The following NEMP2 variants were observed in gnomAD, a reference collection of about 807,000 sequenced individuals.
NEMP2 encodes UPF0571 transmembrane protein.
Under a neutral mutation model 54.2 loss-of-function variants are expected in NEMP2, and 53 were observed. That is an observed-to-expected ratio of 0.98 (90% CI 0.78 to 1.23). NEMP2 has a LOEUF of 1.23. Among genes scored for constraint, NEMP2 ranks in the 50% most tolerant of loss-of-function variants. The pLI is 0.00. For synonymous variants in NEMP2, 197 were observed against 190.3 expected (o/e 1.04, Z -0.29); for missense variants, 455 against 511.3 (o/e 0.89, Z 1.06).
At chr2:190,467,588 C>T in the NEMP2 span, among the ~76,000 whole-genome samples, 20 of 152,116 alleles carry the variant, frequency 1.3e-4, no homozygotes, top group African/African-American at 4.1e-4. The surrounding 1 kb of genome is among the most constrained non-coding windows in gnomAD (Gnocchi z 5.5). Flanking sequence ...TCTCTAGCCT[C>T]GGCAACAGAG....
Position 190,518,749 on chromosome 2 carries a change from T to C in NEMP2, c.505A>G (p.Arg169Gly). 1.3e-6 allele frequency: 2 copies of C among 1,543,710 alleles called. No homozygotes were observed. The highest frequency in any genetic ancestry group is 1.2e-5 in the South Asian group (1 of 81,332). Residue 169 changes from arginine to glycine, a missense_variant, in exon 4 of 9, where the codon AGG (arginine) becomes GGG (glycine). Coordinates refer to ENST00000409150, the MANE Select transcript of NEMP2 (RefSeq NM_001142645.2). ...AGGAATACTTACTGACTCAGGGTCCTTGCATAAAAGAAAAGAAAAACTCCT... is the reference window on the plus strand; with the variant it reads ...AGGAATACTTACTGACTCAGGGTCCCTGCATAAAAGAAAAGAAAAACTCCT... The part of the protein sequence containing the change: ...VAGVFLFFYA[R>G]TLSQSPTFYY...
rs765508642 is a variant in NEMP2, at chr2:190,514,088, C to T, written c.953+365G>A. ...TTCATTTCTGTTTCCTAATTCGTAT[C>T]TCATAAGCACAGCTGATACCACTAA... On this transcript the variant is annotated intron_variant, in intron 7 of 8. Coordinates refer to ENST00000409150, the MANE Select transcript of NEMP2 (RefSeq NM_001142645.2). The surrounding 1 kb of genome is among the most constrained non-coding windows in gnomAD (Gnocchi z 5.7). Among the ~76,000 whole-genome samples, 5 of 152,202 alleles carry T rather than the reference C, an allele frequency of 3.3e-5. No individual in the cohort carries two copies. Among genetic ancestry groups the T allele is most frequent in the Non-Finnish European group, 2.9e-5 (2 of 68,030 alleles).
chr2:190,431,717 G>GGGGAGAGGGA, the NEMP2 span, among the ~76,000 whole-genome samples: 2 of 152,186 alleles, frequency 1.3e-5, no homozygotes. This position sits in a 1 kb window ranked among gnomAD's most constrained non-coding sequence, Gnocchi z 4.4. Flanking sequence ...GGGAGACTGT[G>GGGGAGAGGGA]GGGAGAGGGA....
chr2:190,452,758 C>T, the NEMP2 span, among the ~76,000 whole-genome samples: 1 of 152,094 alleles, frequency 6.6e-6, no homozygotes, highest in African/African-American at 2.4e-5. Flanking sequence ...GTAAAGTGCC[C>T]CCACGTCCCC....
chr2:190,542,175 T>C, the NEMP2 span, among the ~76,000 whole-genome samples: 1 of 152,228 alleles, frequency 6.6e-6, no homozygotes, highest in Non-Finnish European at 1.5e-5. This position sits in a 1 kb window ranked among gnomAD's most constrained non-coding sequence, Gnocchi z 4.6. Context: ...TACCTCTTGC[T>C]CTTGCCCAAC....
chr2:190,435,301 A>C, the NEMP2 span: 1 of 152,242 alleles, frequency 6.6e-6, no homozygotes, highest in Non-Finnish European at 1.5e-5. Flanking sequence ...AAGATCTTTT[A>C]ATCTTATCTG....
At chr2:190,634,604 T>C in the NEMP2 span, among the ~76,000 whole-genome samples, 2 of 152,228 alleles carry the variant, frequency 1.3e-5, no homozygotes, top group African/African-American at 4.8e-5. This position sits in a 1 kb window ranked among gnomAD's most constrained non-coding sequence, Gnocchi z 6.8. Flanking sequence ...CCCTGAATCA[T>C]CCAACTTTCA....
chr2:190,484,789 T>G, the NEMP2 span, among the ~76,000 whole-genome samples: 3 of 152,188 alleles, frequency 2.0e-5, no homozygotes, highest in African/African-American at 7.2e-5. Flanking sequence ...TTTAATTGCT[T>G]CTTCACTTAT....
chr2:190,644,399 C>T, the NEMP2 span, among the ~76,000 whole-genome samples: 19 of 152,190 alleles, frequency 1.2e-4, no homozygotes, highest in Admixed American at 4.6e-4. This position sits in a 1 kb window ranked among gnomAD's most constrained non-coding sequence, Gnocchi z 4.4. Context: ...GAGCAGTGTT[C>T]ATTTACCATT....
rs1691026085 is a variant in NEMP2, at chr2:190,528,493, G to C, written c.98-3115C>G. 6.6e-6 allele frequency among the ~76,000 whole-genome samples: 1 copy of C among 152,124 alleles called. No individual in the cohort carries two copies. ...TTGGAAAGGGAGTGCATTCCAGCAG[G>C]GCAGGTGAAGAGCATGAAGTCTCAG... On this transcript the variant is annotated intron_variant, in intron 1 of 8. Coordinates refer to ENST00000409150, the MANE Select transcript of NEMP2 (RefSeq NM_001142645.2). This position sits in a 1 kb window ranked among gnomAD's most constrained non-coding sequence, Gnocchi z 4.3.
At chr2:190,498,425 A>G in the NEMP2 span, among the ~76,000 whole-genome samples, 1 of 152,188 alleles carries the variant, frequency 6.6e-6, no homozygotes, top group Non-Finnish European at 1.5e-5. This position sits in a 1 kb window ranked among gnomAD's most constrained non-coding sequence, Gnocchi z 5.9. Flanking sequence ...CAGAGGACAC[A>G]TAAAAATAAA....
At chr2:190,428,446 AT>A in the NEMP2 span, among the ~76,000 whole-genome samples, 1 of 152,256 alleles carries the variant, frequency 6.6e-6, no homozygotes, top group East Asian at 1.9e-4. Context: ...GTTGCTCCAC[AT>A]CCTCATCAAC....
At chr2:190,592,521 C>T in the NEMP2 span, among the ~76,000 whole-genome samples, 15 of 152,118 alleles carry the variant, frequency 9.9e-5, no homozygotes, top group African/African-American at 3.4e-4. This position sits in a 1 kb window ranked among gnomAD's most constrained non-coding sequence, Gnocchi z 4.4. Context: ...GTAATAACAA[C>T]AACACTTTTT....
At chr2:190,633,721 G>C in the NEMP2 span, among the ~76,000 whole-genome samples, 1 of 152,170 alleles carries the variant, frequency 6.6e-6, no homozygotes, top group Non-Finnish European at 1.5e-5. Flanking sequence ...CCTAGCAATA[G>C]AGAGATAACA....
the NEMP2 span, chr2:190,624,444 G>A: frequency 6.6e-6 from 1 of 152,128 alleles, no homozygotes; most frequent in Admixed American, 6.5e-5. Context: ...TACTGCTAAA[G>A]ACTTAAGTCT....
At chr2:190,489,939 C>T in the NEMP2 span, 1 of 1,298,312 alleles carries the variant, frequency 7.7e-7, no homozygotes, top group Non-Finnish European at 1.1e-6. The surrounding 1 kb of genome is among the most constrained non-coding windows in gnomAD (Gnocchi z 6.6). Flanking sequence ...CCCCGAGAAG[C>T]CTAGAAGTGG....
the NEMP2 span, among the ~76,000 whole-genome samples, chr2:190,611,776 TTTC>T: frequency 6.6e-6 from 1 of 152,236 alleles, no homozygotes; most frequent in Non-Finnish European, 1.5e-5. This position sits in a 1 kb window ranked among gnomAD's most constrained non-coding sequence, Gnocchi z 5.4. Context: ...ATGTAAACTG[TTTC>T]TTCAATAGTT....
At chr2:190,540,179 T>C in the NEMP2 span, among the ~76,000 whole-genome samples, 2 of 152,188 alleles carry the variant, frequency 1.3e-5, no homozygotes, top group African/African-American at 2.4e-5. Flanking sequence ...AACGATCATA[T>C]GGTTTTTGTT....
the NEMP2 span, among the ~76,000 whole-genome samples, chr2:190,600,003 G>T: frequency 6.6e-6 from 1 of 152,254 alleles, no homozygotes; most frequent in East Asian, 1.9e-4. The surrounding 1 kb of genome is among the most constrained non-coding windows in gnomAD (Gnocchi z 4.9). Context: ...CTGCTGTACA[G>T]TGCCATCCTA....
Sources: gnomAD v4.1 joint callset for allele counts (sites outside exome capture counted in the v4.1 genomes callset) on GRCh38, gnomAD v4.1.1 for gene constraint, Gnocchi (gnomAD v3.1) non-coding constraint, MANE v1.5 for transcripts, NCBI Gene and HGNC (gene_info 2026-07-23, HGNC 2026-07-21) for gene names.